The following ANGPTL3 variants were observed in gnomAD, a reference collection of about 807,000 sequenced individuals.
The protein encoded by ANGPTL3 is angiopoietin like 3.
A neutral mutation model predicts 52.7 loss-of-function variants in ANGPTL3; 51 were observed. The observed-to-expected ratio is 0.97, with a 90% CI of 0.77 to 1.22. ANGPTL3 has a LOEUF of 1.22. ANGPTL3 is among the 50% of genes most tolerant of loss of function. ANGPTL3 has a pLI of 0.00. For synonymous variants in ANGPTL3, 185 were observed against 179.8 expected, an observed-to-expected ratio of 1.03 and a Z score of -0.23; for missense variants, 506 against 520.7, an observed-to-expected ratio of 0.97 and a Z score of 0.27.
At chr1:62,601,686 A>C (rs1198474504) in intron 3 of ANGPTL3, 83 bp from the exon 4 acceptor site, 1 of 1,018,836 alleles carries the variant, frequency 9.8e-7, no homozygotes, top group African/African-American at 1.6e-5. Context: ...CCACAACTTC[A>C]TAAAATGTCA....
chr1:62,598,123 A>G, intron 1 of ANGPTL3, 62 bp downstream of exon 1: 1 of 1,439,790 alleles, frequency 6.9e-7, no homozygotes, highest in Non-Finnish European at 9.3e-7. Context: ...TAAAAAAAAT[A>G]TTTCTAAGGC....
In ANGPTL3 at chr1:62,598,760, A is replaced by G; in HGVS notation, c.560A>G (p.Lys187Arg). 6.2e-7 allele frequency: 1 copy of G among 1,611,020 alleles called. No individual in the cohort carries two copies. The highest frequency in any genetic ancestry group is 8.5e-7 in the Non-Finnish European group (1 of 1,177,648). ...DLLQTVEDQY[K>R]QLNQQHSQIK... ...CTCCAGACCGTGGAAGACCAATATA[A>G]ACAATTAAACCAACAGCATAGTCAA... Residue 187 changes from lysine (K) to arginine (R), a missense_variant, in exon 2 of 7, where the codon AAA becomes AGA. Transcript: ENST00000371129.
At chr1:62,602,978 T>C (rs1446399862) in intron 5 of ANGPTL3, among the ~76,000 whole-genome samples, 2 of 151,660 alleles carry the variant, frequency 1.3e-5, no homozygotes, top group Admixed American at 6.6e-5. Flanking sequence ...CAAAAATCCA[T>C]GAATGATGTC....
intron 1 of ANGPTL3, 78 bp from the exon 2 acceptor site, chr1:62,598,618 G>T: frequency 1.3e-6 from 1 of 787,258 alleles, no homozygotes; most frequent in South Asian, 1.5e-5. Context: ...TAAAAATTTA[G>T]ATTATGATAG....
chr1:62,603,937 A>C (rs1293544739), intron 5 of ANGPTL3, 32 bp from the exon 6 acceptor site: 1 of 1,605,636 alleles, frequency 6.2e-7, no homozygotes, highest in African/African-American at 1.3e-5. Context: ...TGTACTTAAT[A>C]ACTCACAGAT....
Position 62,597,663 on chromosome 1 carries a change from C to A in ANGPTL3, c.97C>A (p.Pro33Thr). 6.2e-7 allele frequency: 1 copy of A among 1,613,386 alleles called. No homozygotes were observed. The highest frequency in any genetic ancestry group is 8.5e-7 in the Non-Finnish European group (1 of 1,179,630). ...NSSFDSLSPE[P>T]KSRFAMLDDV... ...ATCATTTGATTCTCTATCTCCAGAG[C>A]CAAAATCAAGATTTGCTATGTTAGA... The change falls in exon 1 of 7, where the codon CCA becomes ACA. Residue 33 changes from proline to threonine, a missense_variant. Pro to Thr is a conservative substitution (Grantham distance 38). Transcript: ENST00000371129.
chr1:62,598,081 G>A lies in ANGPTL3; in HGVS notation c.495+20G>A. 2 of 1,555,650 alleles carry A rather than the reference G, an allele frequency of 1.3e-6. No homozygotes were observed. The highest frequency in any genetic ancestry group is 8.6e-7 in the Non-Finnish European group (1 of 1,156,816). On this transcript the variant is annotated intron_variant, in intron 1 of 6. Coordinates refer to ENST00000371129, the MANE Select transcript of ANGPTL3 (RefSeq NM_014495.4). ...CTTAAAGTAAGTAGAAAATAAAGAG[G>A]GTTCATGTTTATGTTTTCAATGTGG...
chr1:62,605,047 G>A lies in ANGPTL3; in HGVS notation c.*230G>A, dbSNP rs1019331671. ...TACTATTTGTTTTAAATTTTGTGAT[G>A]TGGGAATCAATTTTAGATGGTCACA... On this transcript the variant is annotated 3_prime_UTR_variant, in exon 7 of 7. Transcript: ENST00000371129. 4.6e-5 allele frequency: 21 copies of A among 451,762 alleles called. No homozygotes were observed. Among genetic ancestry groups the A allele is most frequent in the Non-Finnish European group, 7.5e-5 (19 of 252,998 alleles). 28.0% of individuals were successfully genotyped at this position (451,762 alleles called of 1,614,324 possible).
chr1:62,601,983 G>A, intron 4 of ANGPTL3, 101 bp downstream of exon 4: 1 of 693,296 alleles, frequency 1.4e-6, no homozygotes, highest in Non-Finnish European at 2.5e-6. Context: ...ATATATATAT[G>A]AAATATATAT....
chr1:62,602,174 A>C (rs527315290), intron 4 of ANGPTL3, 111 bp from the exon 5 acceptor site: 2 of 872,970 alleles, frequency 2.3e-6, no homozygotes, highest in African/African-American at 3.4e-5. Context: ...CCATAACATT[A>C]ATAAACTACC....
At chr1:62,600,101 ATGT>A (rs1162459246) in intron 2 of ANGPTL3, among the ~76,000 whole-genome samples, 1 of 151,856 alleles carries the variant, frequency 6.6e-6, no homozygotes, top group Non-Finnish European at 1.5e-5. Context: ...CCTTCTTATG[ATGT>A]TATTATTCTA....
chr1:62,604,256 T>C (rs375057681), intron 6 of ANGPTL3, 21 bp downstream of exon 6: 54 of 1,611,110 alleles, frequency 3.4e-5, no homozygotes, highest in Admixed American at 8.3e-5. Context: ...CTGATACCAA[T>C]ACTTTATTTT....
chr1:62,598,732 C>T lies in ANGPTL3; in HGVS notation c.532C>T (p.Leu178Phe). 6.2e-7 allele frequency: 1 copy of T among 1,611,296 alleles called. No homozygotes were observed. The highest frequency in any genetic ancestry group is 8.5e-7 in the Non-Finnish European group (1 of 1,177,914). Residue 178 changes from leucine to phenylalanine, a missense_variant, in exon 2 of 7, where the codon CTT becomes TTT. Leu to Phe is a conservative substitution (Grantham distance 22). Transcript: ENST00000371129. ...VEKQDNSIKD[L>F]LQTVEDQYKQ... is the part of the protein sequence containing the mutation. ...AAAACAAGATAATAGCATCAAAGACCTTCTCCAGACCGTGGAAGACCAATA... is the reference window on the plus strand; with the variant it reads ...AAAACAAGATAATAGCATCAAAGACTTTCTCCAGACCGTGGAAGACCAATA...
At chr1:62,598,170 CT>C (rs1178574509) in intron 1 of ANGPTL3, 109 bp downstream of exon 1, 81 of 1,046,628 alleles carry the variant, frequency 7.7e-5, no homozygotes, top group South Asian at 1.1e-4. Context: ...TGTTGAAATA[CT>C]TTTTTTTCCA....
rs1274775548 is a variant in ANGPTL3 at position 62,602,273 on chromosome 1, C to T, written c.836-12C>T. 1.9e-6 allele frequency: 3 copies of T among 1,582,864 alleles called. No homozygotes were observed. Among genetic ancestry groups the T allele is most frequent in the Admixed American group, 1.7e-5 (1 of 59,760 alleles). ...TCTACTAAAAATACATGATTTCATT[C>T]ATTATATTCAGGTAGTCCATGGACA... On this transcript the variant is annotated splice_polypyrimidine_tract_variant and intron_variant, in intron 4 of 6. Transcript: ENST00000371129.
At chr1:62,602,892 A>C (rs1462854228) in intron 5 of ANGPTL3, among the ~76,000 whole-genome samples, 1 of 151,698 alleles carries the variant, frequency 6.6e-6, no homozygotes, top group Non-Finnish European at 1.5e-5. Flanking sequence ...ACTCAATGCA[A>C]ATTATTCTAT....
At position 62,599,971 on chromosome 1, in the gene ANGPTL3, A is replaced by G. The variant is rs115499772; in HGVS notation, c.607-1111A>G. Reference sequence around the variant, plus strand: ...ATAATATAAACTCAGAGAAACTGGTAAACAAAATCATTTTCAAGAGATATA... The same window carrying G: ...ATAATATAAACTCAGAGAAACTGGTGAACAAAATCATTTTCAAGAGATATA... On this transcript the variant is annotated intron_variant, in intron 2 of 6. Transcript: ENST00000371129. Among the ~76,000 whole-genome samples the G allele has an allele frequency of 5.4e-3, 820 of 152,104 alleles. 12 individuals carry two copies. Among genetic ancestry groups the G allele is most frequent in the African/African-American group, 0.018 (768 of 41,560 alleles).
chr1:62,602,455 G>A lies in ANGPTL3; in HGVS notation c.931+75G>A, dbSNP rs547612417. 7.1e-5 allele frequency: 94 copies of A among 1,327,544 alleles called. No homozygotes were observed. The East Asian group carries it at 2.1e-3, about 30-fold the overall frequency. 82.2% of individuals were successfully genotyped at this position (1,327,544 alleles called of 1,614,324 possible). A position where few individuals can be genotyped will look rare whatever the true frequency, so the allele number is the denominator to read the frequency against. On this transcript the variant is annotated intron_variant, in intron 5 of 6. Coordinates refer to ENST00000371129, the MANE Select transcript of ANGPTL3 (RefSeq NM_014495.4). ...TTACTGAGAACCTCTTATGGACCAG[G>A]TATTAGGAAAAGTAGTAACGAACGA...
At chr1:62,601,406 T>C (rs1296638028) in intron 3 of ANGPTL3, among the ~76,000 whole-genome samples, 2 of 151,608 alleles carry the variant, frequency 1.3e-5, no homozygotes, top group Admixed American at 1.3e-4. Flanking sequence ...TATTAGATAA[T>C]ATAGAAGGTT....
Sources: allele counts gnomAD v4.1 joint callset (sites outside exome capture counted in the v4.1 genomes callset), GRCh38; gene constraint gnomAD v4.1.1; transcripts MANE v1.5; gene names NCBI Gene and HGNC (gene_info 2026-07-23, HGNC 2026-07-21).